The following SRBD1 variants were observed in gnomAD, a reference collection of about 807,000 sequenced individuals.
SRBD1 encodes S1 RNA binding domain 1.
A neutral mutation model predicts 115.3 loss-of-function variants in SRBD1; 88 were observed. The ratio of observed to expected loss-of-function variants is 0.76; its 90% CI spans 0.64 to 0.91. The LOEUF (loss-of-function observed/expected upper bound fraction) is 0.91, where lower values mean the gene tolerates loss of function less well. SRBD1 is among the 40% of genes least tolerant of loss of function. The probability of loss-of-function intolerance (pLI) is 0.00; values close to 1 mark genes in which losing one functional copy is unlikely to be tolerated. For synonymous variants in SRBD1, 509 were observed against 407.7 expected, an observed-to-expected ratio of 1.25 and a Z score of -2.99; for missense variants, 1,385 against 1,177.4, an observed-to-expected ratio of 1.18 and a Z score of -2.58.
intron 14 of SRBD1, among the ~76,000 whole-genome samples, chr2:45,494,565 T>A (rs1463490763): frequency 2.0e-5 from 3 of 152,246 alleles, no homozygotes; most frequent in African/African-American, 7.2e-5. Flanking sequence ...ACAGGCCATT[T>A]AAGAAGCAAA....
chr2:45,424,703 G>A (rs1363890530), intron 16 of SRBD1, among the ~76,000 whole-genome samples: 1 of 152,058 alleles, frequency 6.6e-6, no homozygotes, highest in Non-Finnish European at 1.5e-5. Flanking sequence ...TGTGATAAGT[G>A]CCCTCGTCAT....
chr2:45,419,749 C>G (rs1667941290), intron 17 of SRBD1, 39 bp downstream of exon 17: 1 of 1,592,156 alleles, frequency 6.3e-7, no homozygotes. Flanking sequence ...GCCAGTTAAA[C>G]TCAAGATTCT....
chr2:45,521,734 A>C (rs1671289916), intron 14 of SRBD1, among the ~76,000 whole-genome samples: 1 of 152,128 alleles, frequency 6.6e-6, no homozygotes, highest in Non-Finnish European at 1.5e-5. Context: ...TAGGTGGCCA[A>C]AGTGGGAGGA....
chr2:45,571,423 A>C (rs4511766), intron 9 of SRBD1, among the ~76,000 whole-genome samples: 118,939 of 150,238 alleles, frequency 0.79, 47,693 homozygotes, highest in African/African-American at 0.89. Flanking sequence ...GAGCAAACCA[A>C]CCCCAAAACA....
rs1271568215 is a variant in SRBD1, at chr2:45,440,515, C to A, written c.2050-20621G>T. Among the ~76,000 whole-genome samples the A allele has an allele frequency of 3.9e-5, 6 of 152,228 alleles. No homozygotes were observed. In the South Asian group the frequency reaches 1.2e-3, roughly 32 times the overall value. On this transcript the variant is annotated intron_variant, in intron 16 of 20. Transcript: ENST00000263736. ...TCTGAACTGGACCACACCTATCTGC[C>A]CCCATGTGTGGTCACTGGGCTAAAA...
chr2:45,584,177 G>A (rs77473039), intron 5 of SRBD1, among the ~76,000 whole-genome samples: 4,615 of 152,210 alleles, frequency 0.03, 236 homozygotes, highest in African/African-American at 0.11. Context: ...AATTTGTTAC[G>A]TAAAAACTCA....
At chr2:45,418,634 A>T in intron 17 of SRBD1, 93 bp from the exon 18 acceptor site, 1 of 1,112,732 alleles carries the variant, frequency 9.0e-7, no homozygotes, top group Non-Finnish European at 1.2e-6. Flanking sequence ...CTGCAATGAC[A>T]TATCCTCATA....
At chr2:45,535,751 A>G (rs1003540846) in intron 14 of SRBD1, among the ~76,000 whole-genome samples, 2 of 152,056 alleles carry the variant, frequency 1.3e-5, no homozygotes, top group African/African-American at 2.4e-5. Context: ...TCACAAATCA[A>G]AAGAGAAGTT....
rs1674371440 is a variant in SRBD1, at chr2:45,609,271, T to TGGAACAAAAAAA, written c.-1+1947_-1+1948insTTTTTTTGTTCC. ...AGTTCCATTTGCTAAGTCAAAATGT[T>TGGAACAAAAAAA]ACAAATCTTTTTTTCTTTCATCTCA... On this transcript the variant is annotated intron_variant, in intron 1 of 20. Coordinates refer to ENST00000263736, the MANE Select transcript of SRBD1 (RefSeq NM_018079.5). 7.2e-5 allele frequency among the ~76,000 whole-genome samples: 11 copies of TGGAACAAAAAAA among 152,294 alleles called. No homozygotes were observed. The South Asian group carries it at 2.3e-3, about 32-fold the overall frequency.
At chr2:45,531,128 C>G (rs910199650) in intron 14 of SRBD1, among the ~76,000 whole-genome samples, 2 of 151,790 alleles carry the variant, frequency 1.3e-5, no homozygotes, top group African/African-American at 4.8e-5. Flanking sequence ...TCTCAAATAT[C>G]TGCTTTCCTT....
intron 11 of SRBD1, among the ~76,000 whole-genome samples, chr2:45,552,233 G>A (rs1030256209): frequency 6.6e-6 from 1 of 152,206 alleles, no homozygotes; most frequent in African/African-American, 2.4e-5. Flanking sequence ...CCAAGTGGGA[G>A]TGTCCTCCTC....
chr2:45,469,293 C>T (rs1669579898), intron 16 of SRBD1, among the ~76,000 whole-genome samples: 1 of 152,088 alleles, frequency 6.6e-6, no homozygotes, highest in African/African-American at 2.4e-5. Flanking sequence ...TAGTTTTAAA[C>T]ACTGAAAGTA....
At chr2:45,427,802 G>A (rs1668203319) in intron 16 of SRBD1, among the ~76,000 whole-genome samples, 1 of 152,092 alleles carries the variant, frequency 6.6e-6, no homozygotes, top group African/African-American at 2.4e-5. Flanking sequence ...ATGCAAGCCT[G>A]GTTCAACATA....
At chr2:45,402,183 T>C (rs549303225) in intron 19 of SRBD1, among the ~76,000 whole-genome samples, 3 of 152,322 alleles carry the variant, frequency 2.0e-5, no homozygotes, top group African/African-American at 2.4e-5. Context: ...GGAATCTTTA[T>C]ATTCATTTAT....
intron 10 of SRBD1, among the ~76,000 whole-genome samples, chr2:45,559,874 A>T (rs1672604721): frequency 6.6e-6 from 1 of 152,102 alleles, no homozygotes; most frequent in Non-Finnish European, 1.5e-5. Context: ...TGAGTTCAGG[A>T]GTTTGAGAAC....
intron 16 of SRBD1, among the ~76,000 whole-genome samples, chr2:45,467,537 G>A (rs570013978): frequency 2.3e-4 from 35 of 152,152 alleles, no homozygotes; most frequent in African/African-American, 8.2e-4. Context: ...CAGGTTTGTC[G>A]TAGGCCACAT....
chr2:45,594,836 C>T (rs1252040117), intron 4 of SRBD1, among the ~76,000 whole-genome samples: 1 of 152,120 alleles, frequency 6.6e-6, no homozygotes, highest in East Asian at 1.9e-4. Context: ...TGATAACAGC[C>T]AATTTATCAA....
intron 16 of SRBD1, among the ~76,000 whole-genome samples, chr2:45,442,711 C>T (rs1668707309): frequency 6.6e-6 from 1 of 152,110 alleles, no homozygotes; most frequent in East Asian, 1.9e-4. Context: ...TGGAGTAAAT[C>T]TCAGCTTAGA....
intron 16 of SRBD1, among the ~76,000 whole-genome samples, chr2:45,452,521 C>G (rs533799853): frequency 2.0e-5 from 3 of 152,022 alleles, no homozygotes; most frequent in South Asian, 4.1e-4. Flanking sequence ...TAGTTAAATA[C>G]CAATCACATT....
Sources: allele counts gnomAD v4.1 joint callset (sites outside exome capture counted in the v4.1 genomes callset), GRCh38; gene constraint gnomAD v4.1.1; transcripts MANE v1.5; gene names NCBI Gene and HGNC (gene_info 2026-07-23, HGNC 2026-07-21).